Variants in EDN1 observed in about 807,000 individuals in gnomAD.
EDN1 encodes the protein endothelin 1.
Under a neutral mutation model 21.7 loss-of-function variants are expected in EDN1, and 11 were observed. The observed-to-expected ratio is 0.51, with a 90% CI of 0.32 to 0.84. The LOEUF is 0.84. Among genes scored for constraint, EDN1 ranks in the 40% least tolerant of loss-of-function variants. The pLI is 0.03. For synonymous variants in EDN1, 85 were observed against 90.6 expected (o/e 0.94, Z 0.35); for missense variants, 244 against 262.3 (o/e 0.93, Z 0.48).
chr6:12,275,802 CGTGTGTGTGT>C, the EDN1 span, among the ~76,000 whole-genome samples: 6 of 147,240 alleles, frequency 4.1e-5, no homozygotes, highest in South Asian at 4.3e-4. Context: ...TTGGGGGCAC[CGTGTGTGTGT>C]GTGTGTGTGT....
upstream of EDN1, among the ~76,000 whole-genome samples, chr6:12,287,446 C>G (rs548197872): frequency 4.6e-5 from 7 of 152,138 alleles, no homozygotes; most frequent in Non-Finnish European, 8.8e-5. Flanking sequence ...TCCTTCTCCC[C>G]TCATTTCTTG....
chr6:12,279,406 G>A, the EDN1 span, among the ~76,000 whole-genome samples: 1 of 152,166 alleles, frequency 6.6e-6, no homozygotes, highest in Non-Finnish European at 1.5e-5. Flanking sequence ...TGGTGTGAGG[G>A]CTGGGTCTGT....
the EDN1 span, among the ~76,000 whole-genome samples, chr6:12,236,778 T>G: frequency 0.25 from 37,072 of 150,870 alleles, 5,078 homozygotes; most frequent in Non-Finnish European, 0.31. Flanking sequence ...CTTTTTTTTT[T>G]TTTGTTAGGA....
the EDN1 span, among the ~76,000 whole-genome samples, chr6:12,284,249 AC>A: frequency 6.6e-6 from 1 of 152,198 alleles, no homozygotes; most frequent in Admixed American, 6.5e-5. Context: ...TAAATTTCTC[AC>A]TGTTATTTTA....
the EDN1 span, among the ~76,000 whole-genome samples, chr6:12,273,049 C>T: frequency 1.3e-5 from 2 of 152,086 alleles, no homozygotes; most frequent in African/African-American, 4.8e-5. Context: ...CAGTGATGAG[C>T]ACTAAGTAAA....
the EDN1 span, among the ~76,000 whole-genome samples, chr6:12,280,056 A>C: frequency 6.6e-6 from 1 of 152,204 alleles, no homozygotes; most frequent in African/African-American, 2.4e-5. Flanking sequence ...AAAAAAATAC[A>C]TAAATAATGT....
intron 4 of EDN1, among the ~76,000 whole-genome samples, chr6:12,295,396 AT>A (rs1444743180): frequency 6.6e-6 from 1 of 151,984 alleles, no homozygotes; most frequent in Admixed American, 6.6e-5. Context: ...CTAACCTGGA[AT>A]TTTTTATGGG....
chr6:12,245,587 C>T, the EDN1 span, among the ~76,000 whole-genome samples: 1 of 152,166 alleles, frequency 6.6e-6, no homozygotes, highest in Non-Finnish European at 1.5e-5. Flanking sequence ...ATTCTCTTAG[C>T]CTGGGCTATG....
the EDN1 span, among the ~76,000 whole-genome samples, chr6:12,241,846 T>G: frequency 6.6e-6 from 1 of 152,186 alleles, no homozygotes; most frequent in African/African-American, 2.4e-5. Flanking sequence ...CATACTTGCC[T>G]CCTACAAATT....
At chr6:12,253,263 GAA>G in the EDN1 span, among the ~76,000 whole-genome samples, 1 of 152,076 alleles carries the variant, frequency 6.6e-6, no homozygotes, top group African/African-American at 2.4e-5. Flanking sequence ...GATACATAAT[GAA>G]AAAATAATCA....
At chr6:12,235,209 G>A in the EDN1 span, among the ~76,000 whole-genome samples, 1 of 152,158 alleles carries the variant, frequency 6.6e-6, no homozygotes. Flanking sequence ...GAGGTAGATG[G>A]TTCTAAAGTA....
the EDN1 span, among the ~76,000 whole-genome samples, chr6:12,241,548 A>C: frequency 6.6e-6 from 1 of 152,150 alleles, no homozygotes; most frequent in East Asian, 1.9e-4. Context: ...TTATAGGCCC[A>C]GCACTAGCTT....
At position 12,292,492 on chromosome 6, in the gene EDN1, T is replaced by G; in HGVS notation, c.216T>G (p.Ile72Met). 1 of 1,614,218 alleles carries G rather than the reference T, an allele frequency of 6.2e-7. No individual in the cohort carries two copies. The highest frequency in any genetic ancestry group is 8.5e-7 in the Non-Finnish European group (1 of 1,180,042). ...ECVYFCHLDI[I>M]WVNTPEHVVP... ...TCTACTTCTGCCACCTGGACATCAT[T>G]TGGGTCAACACTCCCGAGTAAGTCT... The change falls in exon 2 of 5, where the codon ATT becomes ATG. Residue 72 changes from isoleucine to methionine, a missense_variant. Ile to Met is a conservative substitution (Grantham distance 10, BLOSUM62 1). Coordinates refer to ENST00000379375, the MANE Select transcript of EDN1 (RefSeq NM_001955.5).
the EDN1 span, among the ~76,000 whole-genome samples, chr6:12,262,485 C>T: frequency 5.3e-5 from 8 of 152,004 alleles, no homozygotes; most frequent in African/African-American, 1.5e-4. Flanking sequence ...CTGGGAGTGG[C>T]GCTGACTTTG....
At chr6:12,245,343 G>T in the EDN1 span, among the ~76,000 whole-genome samples, 2 of 152,184 alleles carry the variant, frequency 1.3e-5, no homozygotes, top group Non-Finnish European at 2.9e-5. Flanking sequence ...TAGCTCTCCT[G>T]ATGAATATTT....
upstream of EDN1, among the ~76,000 whole-genome samples, chr6:12,289,016 C>T (rs1436088393): frequency 2.6e-5 from 4 of 152,176 alleles, no homozygotes; most frequent in Non-Finnish European, 5.9e-5. Flanking sequence ...ATTCTGGGTG[C>T]TCAGTTGTCT....
chr6:12,254,436 T>C, the EDN1 span, among the ~76,000 whole-genome samples: 1 of 152,300 alleles, frequency 6.6e-6, no homozygotes, highest in African/African-American at 2.4e-5. Context: ...GAACTTCCCC[T>C]ATCATAGTAC....
the EDN1 span, among the ~76,000 whole-genome samples, chr6:12,278,302 C>A: frequency 6.6e-6 from 1 of 152,138 alleles, no homozygotes; most frequent in Non-Finnish European, 1.5e-5. Flanking sequence ...GATTAAAATT[C>A]ACCAAACCTC....
the EDN1 span, among the ~76,000 whole-genome samples, chr6:12,236,787 G>T: frequency 6.7e-6 from 1 of 149,660 alleles, no homozygotes; most frequent in South Asian, 2.1e-4. Flanking sequence ...TTTTTGTTAG[G>T]AAACTTTTAC....
Sources: gnomAD v4.1 joint callset for allele counts (sites outside exome capture counted in the v4.1 genomes callset) on GRCh38, gnomAD v4.1.1 for gene constraint, MANE v1.5 for transcripts, NCBI Gene and HGNC (gene_info 2026-07-23, HGNC 2026-07-21) for gene names.